The following PLXNA2 variants were observed in gnomAD, a reference collection of about 807,000 sequenced individuals.
The protein encoded by PLXNA2 is plexin-A2.
Under a neutral mutation model 193.5 loss-of-function variants are expected in PLXNA2, and 91 were observed. That is an observed-to-expected ratio of 0.47 (90% CI 0.40 to 0.56). The LOEUF is 0.56. Ranked by LOEUF, PLXNA2 falls within the 20% of genes least tolerant of loss-of-function variation. The pLI is 0.00. For missense variants in PLXNA2, 1,995 were observed against 2,503.2 expected, an observed-to-expected ratio of 0.80 and a Z score of 4.33; for synonymous variants, 997 against 1,027.3, an observed-to-expected ratio of 0.97 and a Z score of 0.56.
chr1:208,123,866 C>A (rs1035731818), intron 4 of PLXNA2, among the ~76,000 whole-genome samples: 3 of 152,118 alleles, frequency 2.0e-5, no homozygotes, highest in Admixed American at 6.6e-5. Flanking sequence ...ACATAAACCA[C>A]CTTTCTTCTA....
chr1:208,228,542 A>G (rs1671587208), intron 1 of PLXNA2, among the ~76,000 whole-genome samples: 1 of 152,200 alleles, frequency 6.6e-6, no homozygotes, highest in South Asian at 2.1e-4. Context: ...CTTGTGTCTC[A>G]GACCCATTGT....
intron 3 of PLXNA2, among the ~76,000 whole-genome samples, chr1:208,157,769 A>G (rs1030900156): frequency 6.6e-6 from 1 of 152,254 alleles, no homozygotes; most frequent in African/African-American, 2.4e-5. Flanking sequence ...AGAAACTCCT[A>G]TGGGTCTGGC....
At chr1:208,128,695 CTTTTTTTTTTT>C (rs34853346) in intron 4 of PLXNA2, among the ~76,000 whole-genome samples, 9 of 81,682 alleles carry the variant, frequency 1.1e-4, no homozygotes, top group South Asian at 5.3e-4. Context: ...CTGTTTCTTT[CTTTTTTTTTTT>C]TTTTTTTTTT....
At chr1:208,081,142 G>T (rs1173300259) in intron 11 of PLXNA2, among the ~76,000 whole-genome samples, 1 of 152,146 alleles carries the variant, frequency 6.6e-6, no homozygotes, top group Non-Finnish European at 1.5e-5. Context: ...GCAACCTCTG[G>T]GATCTAAGCC....
chr1:208,045,269 C>A, intron 18 of PLXNA2, 59 bp from the exon 19 acceptor site: 2 of 1,551,870 alleles, frequency 1.3e-6, no homozygotes, highest in Admixed American at 1.7e-5. Context: ...AAGTTAATTG[C>A]CTACTTAAAA....
chr1:208,039,568 A>G (rs1664792937), intron 24 of PLXNA2, 53 bp downstream of exon 24: 1 of 1,608,216 alleles, frequency 6.2e-7, no homozygotes, highest in Non-Finnish European at 8.5e-7. Flanking sequence ...AGGCAGAGCA[A>G]GGGGCAGAAG....
intron 12 of PLXNA2, among the ~76,000 whole-genome samples, chr1:208,071,191 A>G (rs1280130679): frequency 6.6e-6 from 1 of 152,244 alleles, no homozygotes; most frequent in African/African-American, 2.4e-5. Context: ...GAGGTGCCGA[A>G]GAAGCCACTC....
chr1:208,073,655 T>C (rs1426421440), intron 12 of PLXNA2, among the ~76,000 whole-genome samples: 2 of 152,216 alleles, frequency 1.3e-5, no homozygotes, highest in African/African-American at 4.8e-5. Context: ...GAAGACCTAA[T>C]TCAGTGCCTT....
intron 4 of PLXNA2, among the ~76,000 whole-genome samples, chr1:208,132,040 G>A (rs1014934527): frequency 6.6e-6 from 1 of 152,182 alleles, no homozygotes; most frequent in African/African-American, 2.4e-5. Flanking sequence ...GATCATGCTC[G>A]TGAGGCGCTT....
rs185935516 is a variant in PLXNA2, at chr1:208,236,610, C to T, written c.-81+7033G>A. On this transcript the variant is annotated intron_variant, in intron 1 of 31. Transcript: ENST00000367033. This position sits in a 1 kb window ranked among gnomAD's most constrained non-coding sequence, Gnocchi z 4.4. The stretch of plus-strand genomic sequence containing the variant: ...CAGAGCAATCACAATCCATAGGCTC[C>T]GCTGACATTCTGAGCTGTCCCTGGC... Among the ~76,000 whole-genome samples, 11 of 152,308 alleles carry T rather than the reference C, an allele frequency of 7.2e-5. No homozygotes were observed. The highest frequency in any genetic ancestry group is 3.9e-4 in the Admixed American group (6 of 15,300).
intron 23 of PLXNA2, 87 bp downstream of exon 23, chr1:208,039,905 G>C (rs1054628703): frequency 6.3e-7 from 1 of 1,578,648 alleles, no homozygotes; most frequent in African/African-American, 1.3e-5. Context: ...CCGAGGGAGG[G>C]GGTCCCCATG....
chr1:208,237,215 G>A (rs1671888625), intron 1 of PLXNA2, among the ~76,000 whole-genome samples: 1 of 152,182 alleles, frequency 6.6e-6, no homozygotes, highest in Admixed American at 6.5e-5. Flanking sequence ...TCCTTCTCCA[G>A]GTAGCAAGCA....
At position 208,038,557 on chromosome 1, in the gene PLXNA2, G is replaced by A; in HGVS notation, c.4661-83C>T. ...TGTCTCCCGATTGCACCTTCTCTAG[G>A]GACCTGGCAACCCGGCCCCCTCAAG... On this transcript the variant is annotated intron_variant, in intron 25 of 31. Coordinates refer to ENST00000367033, the MANE Select transcript of PLXNA2 (RefSeq NM_025179.4). This position sits in a 1 kb window ranked among gnomAD's most constrained non-coding sequence, Gnocchi z 4.1. The A allele has an allele frequency of 8.9e-7, 1 of 1,124,264 alleles. No individual in the cohort carries two copies. Among genetic ancestry groups the A allele is most frequent in the Non-Finnish European group, 1.4e-6 (1 of 739,258 alleles). The allele number at this position is 1,124,264 out of a possible 1,614,324, so 69.6% of individuals were successfully genotyped here. A position where few individuals can be genotyped will look rare whatever the true frequency, so the allele number is the denominator to read the frequency against.
Position 208,044,441 on chromosome 1 carries a change from AG to A in PLXNA2, c.3874+66del. 1 of 1,099,334 alleles carries A rather than the reference AG, an allele frequency of 9.1e-7. No individual in the cohort carries two copies. Among genetic ancestry groups the A allele is most frequent in the Middle Eastern group, 2.4e-4 (1 of 4,104 alleles). The allele number at this position is 1,099,334 out of a possible 1,614,324, so 68.1% of individuals were successfully genotyped here. The stretch of plus-strand genomic sequence containing the variant: ...GGGAGTAAAGATAGGAGTTGTCTGC[AG>A]GGAGAAGGGCAATAAGGCAGGTGGA... On this transcript the variant is annotated intron_variant, in intron 20 of 31. Coordinates refer to ENST00000367033, the MANE Select transcript of PLXNA2 (RefSeq NM_025179.4). The surrounding 1 kb of genome is among the most constrained non-coding windows in gnomAD (Gnocchi z 4.9).
At chr1:208,191,084 G>A (rs551985629) in intron 3 of PLXNA2, among the ~76,000 whole-genome samples, 70 of 152,302 alleles carry the variant, frequency 4.6e-4, no homozygotes, top group African/African-American at 1.6e-3. Flanking sequence ...AAAAGGATTC[G>A]GCTGCAGCAC....
chr1:208,085,334 C>T (rs1443321875), intron 9 of PLXNA2, among the ~76,000 whole-genome samples: 1 of 152,184 alleles, frequency 6.6e-6, no homozygotes, highest in Non-Finnish European at 1.5e-5. Flanking sequence ...GCAGATGAGC[C>T]TGGTAGCCCC....
chr1:208,097,105 T>G (rs575506486), intron 6 of PLXNA2, among the ~76,000 whole-genome samples: 2 of 152,328 alleles, frequency 1.3e-5, no homozygotes, highest in East Asian at 3.9e-4. Flanking sequence ...TTATTATTAA[T>G]TAATGTTTCC....
intron 1 of PLXNA2, among the ~76,000 whole-genome samples, chr1:208,218,772 G>C (rs1187982325): frequency 6.6e-6 from 1 of 152,228 alleles, no homozygotes; most frequent in Non-Finnish European, 1.5e-5. Context: ...GATCTCTTGA[G>C]ATTCCCCCAT....
At chr1:208,083,788 C>T (rs1206576766) in intron 10 of PLXNA2, among the ~76,000 whole-genome samples, 1 of 151,752 alleles carries the variant, frequency 6.6e-6, no homozygotes, top group African/African-American at 2.4e-5. Flanking sequence ...ACCCTTGCTG[C>T]TCCTGAAATT....
Sources: allele counts gnomAD v4.1 joint callset (sites outside exome capture counted in the v4.1 genomes callset), GRCh38; gene constraint gnomAD v4.1.1; non-coding constraint Gnocchi (gnomAD v3.1); transcripts MANE v1.5; gene names NCBI Gene and HGNC (gene_info 2026-07-23, HGNC 2026-07-21).